The following TBCEL variants were observed in gnomAD, a reference collection of about 807,000 sequenced individuals.
The protein encoded by TBCEL is tubulin-specific chaperone cofactor E-like protein.
In TBCEL, 15 loss-of-function variants were observed where a neutral mutation model predicts 44.2. The ratio of observed to expected loss-of-function variants is 0.34; its 90% CI spans 0.23 to 0.52. The LOEUF is 0.52. Ranked by LOEUF, TBCEL falls within the 20% of genes least tolerant of loss-of-function variation. The pLI is 0.95. For synonymous variants in TBCEL, 171 were observed against 185.4 expected (o/e 0.92, Z 0.63); for missense variants, 319 against 506.3 (o/e 0.63, Z 3.55).
chr11:121,080,189 T>C (rs1946100573), intron 8 of TBCEL, among the ~76,000 whole-genome samples: 1 of 152,200 alleles, frequency 6.6e-6, no homozygotes, highest in African/African-American at 2.4e-5. Context: ...TTTTCATGTT[T>C]TGTTTGTTAC....
At chr11:121,068,218 T>C (rs1468701540) in intron 8 of TBCEL, among the ~76,000 whole-genome samples, 1 of 152,170 alleles carries the variant, frequency 6.6e-6, no homozygotes, top group Admixed American at 6.5e-5. Context: ...AACTCAACTT[T>C]CGATACCCTC....
chr11:121,083,611 G>A (rs1016541121), intron 8 of TBCEL, among the ~76,000 whole-genome samples: 1 of 152,176 alleles, frequency 6.6e-6, no homozygotes, highest in Admixed American at 6.5e-5. Context: ...GTTTATGGTT[G>A]AGATTAATTC....
chr11:121,068,168 T>C (rs1050785749), intron 8 of TBCEL, among the ~76,000 whole-genome samples: 2 of 152,228 alleles, frequency 1.3e-5, no homozygotes, highest in African/African-American at 4.8e-5. Flanking sequence ...AGCTGCCTGC[T>C]TGATGCCTCT....
chr11:121,039,916 A>G (rs1391850290), intron 2 of TBCEL, among the ~76,000 whole-genome samples: 1 of 152,188 alleles, frequency 6.6e-6, no homozygotes, highest in Admixed American at 6.5e-5. Context: ...GATAGGATTG[A>G]TTCGTTGTAC....
At chr11:121,030,544 G>A (rs142718431) in intron 1 of TBCEL, among the ~76,000 whole-genome samples, 2 of 152,266 alleles carry the variant, frequency 1.3e-5, no homozygotes, top group Non-Finnish European at 1.5e-5. Context: ...ACAAAATTGG[G>A]CAAAATTGGG....
rs182683324 is a variant in TBCEL, at chr11:121,086,301, C to T, written c.957-477C>T. ...TTCAAACAAGGCATCTCTGAAAGAG[C>T]TTGGTTAATTAGTAACAAAGAACTA... On this transcript the variant is annotated intron_variant, in intron 8 of 8. Transcript: ENST00000683345. Among the ~76,000 whole-genome samples the T allele has an allele frequency of 1.2e-3, 177 of 152,282 alleles. 1 individual carries two copies. Among genetic ancestry groups the T allele is most frequent in the Non-Finnish European group, 2.9e-4 (20 of 68,020 alleles).
At chr11:121,076,470 G>T (rs575399411) in intron 8 of TBCEL, among the ~76,000 whole-genome samples, 8 of 152,002 alleles carry the variant, frequency 5.3e-5, no homozygotes, top group African/African-American at 1.9e-4. Context: ...TTCAAATTCA[G>T]TTGTTCACTG....
chr11:121,076,509 T>C (rs986982812), intron 8 of TBCEL, among the ~76,000 whole-genome samples: 5 of 152,062 alleles, frequency 3.3e-5, no homozygotes, highest in African/African-American at 1.2e-4. Flanking sequence ...TTGGTATTTG[T>C]AATTGACTTT....
At chr11:121,037,079 G>A (rs749445677) in intron 2 of TBCEL, among the ~76,000 whole-genome samples, 83 of 152,168 alleles carry the variant, frequency 5.5e-4, no homozygotes, top group Non-Finnish European at 1.0e-4. Flanking sequence ...TCATCTGGCA[G>A]TGTTGGATTT....
intron 1 of TBCEL, among the ~76,000 whole-genome samples, chr11:121,030,260 A>G (rs1216998730): frequency 1.3e-5 from 2 of 152,272 alleles, no homozygotes; most frequent in East Asian, 3.9e-4. Context: ...CCAGGAAAGG[A>G]GTGGGAGGAA....
intron 8 of TBCEL, among the ~76,000 whole-genome samples, chr11:121,075,750 A>G (rs1417573841): frequency 6.6e-6 from 1 of 151,910 alleles, no homozygotes; most frequent in Non-Finnish European, 1.5e-5. Flanking sequence ...ACAGGGATAC[A>G]TTCTGAGAAA....
chr11:121,075,345 C>T (rs910023988), intron 8 of TBCEL, among the ~76,000 whole-genome samples: 1 of 151,452 alleles, frequency 6.6e-6, no homozygotes, highest in Non-Finnish European at 1.5e-5. Context: ...TCACTATAGG[C>T]AAAAAAAATG....
chr11:121,077,199 T>A (rs1373466631), intron 8 of TBCEL, among the ~76,000 whole-genome samples: 2 of 151,840 alleles, frequency 1.3e-5, no homozygotes, highest in African/African-American at 4.8e-5. Flanking sequence ...AGAGTTTGTG[T>A]AGAACAGTGT....
Position 121,087,222 on chromosome 11 carries a change from G to T in TBCEL, c.*126G>T. 9.7e-7 allele frequency: 1 copy of T among 1,035,588 alleles called. No individual in the cohort carries two copies. The highest frequency in any genetic ancestry group is 1.4e-6 in the Non-Finnish European group (1 of 732,782). 64.1% of individuals were successfully genotyped at this position (1,035,588 alleles called of 1,614,324 possible). A position where few individuals can be genotyped will look rare whatever the true frequency, so the allele number is the denominator to read the frequency against. On this transcript the variant is annotated 3_prime_UTR_variant, in exon 9 of 9. Transcript: ENST00000683345. ...TTTTGTTCTGTTTAGGTTTGGGAAG[G>T]ATTTTGTATATTTTTCCCCCTGGAG...
chr11:121,044,318 CT>C (rs1945389089), intron 2 of TBCEL, among the ~76,000 whole-genome samples: 2 of 151,966 alleles, frequency 1.3e-5, no homozygotes, highest in South Asian at 4.2e-4. Context: ...TCCTTAAAAC[CT>C]TTCAGTTTTT....
intron 1 of TBCEL, among the ~76,000 whole-genome samples, chr11:121,031,312 T>G (rs945950260): frequency 3.9e-5 from 6 of 152,234 alleles, no homozygotes; most frequent in African/African-American, 1.4e-4. Flanking sequence ...ACTGGCTACA[T>G]TGCCAGTTTC....
chr11:121,033,678 C>G (rs1945181213), intron 1 of TBCEL, among the ~76,000 whole-genome samples: 3 of 152,092 alleles, frequency 2.0e-5, no homozygotes, highest in African/African-American at 7.2e-5. Flanking sequence ...TAAAATTTAT[C>G]ATTTTAACCG....
intron 8 of TBCEL, among the ~76,000 whole-genome samples, chr11:121,060,548 A>G (rs907364312): frequency 2.6e-5 from 4 of 152,018 alleles, no homozygotes; most frequent in Admixed American, 1.3e-4. Context: ...TCTTGAGGAA[A>G]TATTAAAGGA....
At chr11:121,053,842 A>G in intron 5 of TBCEL, 110 bp downstream of exon 5, 1 of 1,245,206 alleles carries the variant, frequency 8.0e-7, no homozygotes, top group Non-Finnish European at 1.1e-6. Context: ...GATTGAGTGG[A>G]GAAAGAGGTT....
Sources: allele counts gnomAD v4.1 joint callset (sites outside exome capture counted in the v4.1 genomes callset), GRCh38; gene constraint gnomAD v4.1.1; transcripts MANE v1.5; gene names NCBI Gene and HGNC (gene_info 2026-07-23, HGNC 2026-07-21).